The following SYTL2 variants were observed in gnomAD, a reference collection of about 807,000 sequenced individuals.
SYTL2 encodes synaptotagmin-like protein 2.
A neutral mutation model predicts 198.7 loss-of-function variants in SYTL2; 165 were observed. That is an observed-to-expected ratio of 0.83 (90% confidence interval 0.73 to 0.94). The LOEUF (loss-of-function observed/expected upper bound fraction) is 0.94. Among genes scored for constraint, SYTL2 ranks in the 40% least tolerant of loss-of-function variants. The pLI is 0.00. For synonymous variants in SYTL2, 966 were observed against 917.7 expected (o/e 1.05, Z -0.95); for missense variants, 2,835 against 2,582.8 (o/e 1.10, Z -2.12).
chr11:85,827,132 C>T, the SYTL2 span, among the ~76,000 whole-genome samples: 1 of 152,178 alleles, frequency 6.6e-6, no homozygotes, highest in Non-Finnish European at 1.5e-5. Context: ...CCATGGAGCC[C>T]TGTCTTCCAA....
At chr11:85,818,656 A>AT in the SYTL2 span, among the ~76,000 whole-genome samples, 1 of 149,002 alleles carries the variant, frequency 6.7e-6, no homozygotes, top group Non-Finnish European at 1.5e-5. Context: ...TGTATAAATT[A>AT]CTATCTATCT....
intron 1 of SYTL2, among the ~76,000 whole-genome samples, chr11:85,768,679 G>T (rs1267772960): frequency 6.6e-6 from 1 of 152,148 alleles, no homozygotes; most frequent in Admixed American, 6.5e-5. Context: ...TTTTAAGAAT[G>T]AGTCAAATTC....
At chr11:85,697,916 C>T (rs2083642599) in intron 18 of SYTL2, 63 bp downstream of exon 18, 11 of 1,086,428 alleles carry the variant, frequency 1.0e-5, no homozygotes, top group Middle Eastern at 2.0e-4. Flanking sequence ...TATAGAGAAC[C>T]GAAACTAACC....
chr11:85,738,933 A>G (rs539393982), intron 4 of SYTL2, among the ~76,000 whole-genome samples: 1 of 152,164 alleles, frequency 6.6e-6, no homozygotes, highest in East Asian at 1.9e-4. Context: ...CTGAAATTCC[A>G]GTTCCTGTGC....
intron 7 of SYTL2, among the ~76,000 whole-genome samples, chr11:85,730,076 A>G (rs886994870): frequency 1.3e-5 from 2 of 152,194 alleles, no homozygotes; most frequent in Admixed American, 6.5e-5. Flanking sequence ...ACCAATAACA[A>G]GTTCAGAAAT....
chr11:85,804,267 A>G (rs2092928615), intron 1 of SYTL2, among the ~76,000 whole-genome samples: 1 of 152,216 alleles, frequency 6.6e-6, no homozygotes, highest in Non-Finnish European at 1.5e-5. Flanking sequence ...TCAAAACACT[A>G]TCGCAAGCTA....
At chr11:85,703,584 T>C (rs567767286) in intron 16 of SYTL2, among the ~76,000 whole-genome samples, 9 of 152,240 alleles carry the variant, frequency 5.9e-5, no homozygotes, top group African/African-American at 1.9e-4. Context: ...AAATAATCTG[T>C]TGCCAGGAGA....
the SYTL2 span, among the ~76,000 whole-genome samples, chr11:85,817,902 C>CTTT: frequency 1.2e-4 from 13 of 109,892 alleles, no homozygotes; most frequent in South Asian, 3.0e-4. Context: ...TGTGTCTTTT[C>CTTT]TTTTTTTTTT....
chr11:85,830,916 G>C, the SYTL2 span, among the ~76,000 whole-genome samples: 1 of 152,102 alleles, frequency 6.6e-6, no homozygotes, highest in African/African-American at 2.4e-5. Flanking sequence ...TCTTGCATTA[G>C]GGTCAGCTTT....
At chr11:85,830,709 GGT>G in the SYTL2 span, among the ~76,000 whole-genome samples, 2 of 152,186 alleles carry the variant, frequency 1.3e-5, no homozygotes, top group Non-Finnish European at 2.9e-5. Context: ...TCTATCCTGT[GGT>G]GGGACAATTT....
the SYTL2 span, among the ~76,000 whole-genome samples, chr11:85,838,091 C>T: frequency 6.6e-6 from 1 of 152,200 alleles, no homozygotes; most frequent in South Asian, 2.1e-4. Context: ...TCCGGGGGAA[C>T]AAAATCACTC....
At chr11:85,711,073 G>A in intron 13 of SYTL2, 40 bp downstream of exon 13, 1 of 1,606,586 alleles carries the variant, frequency 6.2e-7, no homozygotes, top group Non-Finnish European at 8.5e-7. Context: ...AAGGTTCAGA[G>A]ACGCGGAGAG....
intron 1 of SYTL2, among the ~76,000 whole-genome samples, chr11:85,772,217 T>C (rs2153580956): frequency 6.6e-6 from 1 of 152,320 alleles, no homozygotes; most frequent in African/African-American, 2.4e-5. Flanking sequence ...TAACATAGCA[T>C]GATCTCTAAG....
intron 1 of SYTL2, among the ~76,000 whole-genome samples, chr11:85,764,426 C>T (rs2092184499): frequency 6.6e-6 from 1 of 152,186 alleles, no homozygotes. Context: ...AATAACTTGC[C>T]TAAGGCTACT....
chr11:85,795,897 C>T (rs1712308867), intron 1 of SYTL2, among the ~76,000 whole-genome samples: 1 of 151,926 alleles, frequency 6.6e-6, no homozygotes, highest in South Asian at 2.1e-4. Context: ...TCCCAAAGGA[C>T]TCAGGAAAGG....
the SYTL2 span, among the ~76,000 whole-genome samples, chr11:85,831,634 A>AT: frequency 6.6e-6 from 1 of 152,214 alleles, no homozygotes; most frequent in Non-Finnish European, 1.5e-5. Flanking sequence ...TCTGGAGGTG[A>AT]TGGATACGTT....
intron 1 of SYTL2, among the ~76,000 whole-genome samples, chr11:85,782,073 T>G (rs780262549): frequency 6.6e-6 from 1 of 152,170 alleles, no homozygotes; most frequent in Non-Finnish European, 1.5e-5. Flanking sequence ...CTAGCAGAGG[T>G]TCTCCATGAG....
At chr11:85,838,986 C>T in the SYTL2 span, among the ~76,000 whole-genome samples, 2 of 152,096 alleles carry the variant, frequency 1.3e-5, no homozygotes, top group African/African-American at 4.8e-5. Context: ...TCAAAGGATC[C>T]TCCTCATCCT....
At chr11:85,763,251 G>A (rs2092147883) in intron 1 of SYTL2, among the ~76,000 whole-genome samples, 1 of 152,186 alleles carries the variant, frequency 6.6e-6, no homozygotes, top group African/African-American at 2.4e-5. Flanking sequence ...AGAAATAGCA[G>A]CACAAAGGGA....
Sources: gnomAD v4.1 joint callset for allele counts (sites outside exome capture counted in the v4.1 genomes callset) on GRCh38, gnomAD v4.1.1 for gene constraint, MANE v1.5 for transcripts, NCBI Gene and HGNC (gene_info 2026-07-23, HGNC 2026-07-21) for gene names.